The following BCKDHB variants were observed in gnomAD, a reference collection of about 807,000 sequenced individuals.
The protein encoded by BCKDHB is branched chain keto acid dehydrogenase E1 subunit beta.
BCKDHB carries 41 observed loss-of-function variants against 48.5 expected under a neutral mutation model. The observed-to-expected ratio is 0.85, with a 90% CI of 0.66 to 1.10. BCKDHB has a LOEUF of 1.10. BCKDHB is among the 50% of genes least tolerant of loss of function. The pLI is 0.00. For synonymous variants in BCKDHB, 201 were observed against 174.8 expected, an observed-to-expected ratio of 1.15 and a Z score of -1.18; for missense variants, 496 against 494.2, an observed-to-expected ratio of 1.00 and a Z score of -0.03.
chr6:80,127,733 A>G (rs1013550793), intron 2 of BCKDHB, 109 bp downstream of exon 2: 1 of 1,021,222 alleles, frequency 9.8e-7, no homozygotes, highest in Non-Finnish European at 1.6e-6. Flanking sequence ...TCTACCTGAC[A>G]TTTTCAAAGG....
chr6:80,254,278 A>G (rs998336701), intron 8 of BCKDHB, among the ~76,000 whole-genome samples: 1 of 151,596 alleles, frequency 6.6e-6, no homozygotes, highest in Non-Finnish European at 1.5e-5. Flanking sequence ...CTTTTTTCAC[A>G]TGTCATAGTT....
chr6:80,464,141 C>A, the BCKDHB span, among the ~76,000 whole-genome samples: 2 of 151,756 alleles, frequency 1.3e-5, no homozygotes, highest in African/African-American at 4.8e-5. Flanking sequence ...TATTATTATT[C>A]TTTTGAAGTG....
chr6:80,414,474 A>C, the BCKDHB span, among the ~76,000 whole-genome samples: 3 of 152,158 alleles, frequency 2.0e-5, no homozygotes, highest in East Asian at 5.8e-4. Context: ...ATGTGGTATA[A>C]GGAAGAGATC....
intron 3 of BCKDHB, among the ~76,000 whole-genome samples, chr6:80,146,193 C>T (rs1771479092): frequency 1.3e-5 from 2 of 152,064 alleles, no homozygotes. Flanking sequence ...AGTTTGAGAA[C>T]TACTGCTCTG....
the BCKDHB span, among the ~76,000 whole-genome samples, chr6:80,351,925 G>T: frequency 2.6e-5 from 4 of 151,218 alleles, no homozygotes; most frequent in African/African-American, 7.3e-5. Context: ...GGGTTCAAGC[G>T]ATTCTCCTGC....
the BCKDHB span, among the ~76,000 whole-genome samples, chr6:80,461,373 A>G: frequency 2.0e-5 from 3 of 152,040 alleles, no homozygotes; most frequent in South Asian, 4.2e-4. Flanking sequence ...TCTTATCCAT[A>G]TCTGGTCATA....
At chr6:80,389,606 G>A in the BCKDHB span, among the ~76,000 whole-genome samples, 1 of 152,178 alleles carries the variant, frequency 6.6e-6, no homozygotes, top group Non-Finnish European at 1.5e-5. Context: ...CTTTGACCAA[G>A]GCACTCACTT....
chr6:80,334,997 T>C (rs2128012544), intron 9 of BCKDHB, among the ~76,000 whole-genome samples: 1 of 151,984 alleles, frequency 6.6e-6, no homozygotes, highest in Non-Finnish European at 1.5e-5. Context: ...AATCACTCTA[T>C]TCTGGTAGTT....
intron 3 of BCKDHB, among the ~76,000 whole-genome samples, chr6:80,140,385 T>G (rs1046632437): frequency 1.3e-5 from 2 of 152,210 alleles, no homozygotes; most frequent in African/African-American, 4.8e-5. Flanking sequence ...TTGTGCCAGT[T>G]TTCAAAGGGA....
intron 8 of BCKDHB, among the ~76,000 whole-genome samples, chr6:80,267,878 G>T (rs1190125114): frequency 6.6e-6 from 1 of 151,908 alleles, no homozygotes; most frequent in South Asian, 2.1e-4. Flanking sequence ...TGCTCTGCTT[G>T]TTCCCTTTTG....
chr6:80,413,171 C>G, the BCKDHB span, among the ~76,000 whole-genome samples: 1 of 152,020 alleles, frequency 6.6e-6, no homozygotes, highest in Admixed American at 6.6e-5. Context: ...CTATAAATCC[C>G]GAGGGCTTTC....
At chr6:80,153,399 G>A (rs572423069) in intron 3 of BCKDHB, among the ~76,000 whole-genome samples, 8 of 152,248 alleles carry the variant, frequency 5.3e-5, no homozygotes, top group Non-Finnish European at 1.2e-4. Flanking sequence ...GTGATTCAAG[G>A]TACTGTAGAC....
the BCKDHB span, among the ~76,000 whole-genome samples, chr6:80,414,406 C>T: frequency 6.6e-6 from 1 of 152,006 alleles, no homozygotes; most frequent in Admixed American, 6.6e-5. Flanking sequence ...GGTTGCCTTC[C>T]AAGGTTTTCA....
At chr6:80,457,012 A>G in the BCKDHB span, among the ~76,000 whole-genome samples, 5 of 152,228 alleles carry the variant, frequency 3.3e-5, no homozygotes, top group Non-Finnish European at 7.3e-5. Flanking sequence ...TAAATCAATT[A>G]GACTTCTTCA....
chr6:80,354,938 A>G, the BCKDHB span, among the ~76,000 whole-genome samples: 1 of 152,168 alleles, frequency 6.6e-6, no homozygotes, highest in Non-Finnish European at 1.5e-5. Flanking sequence ...AAGCAATGTG[A>G]TGCCTCCAGC....
At chr6:80,195,118 T>C (rs557578965) in intron 6 of BCKDHB, among the ~76,000 whole-genome samples, 1 of 152,300 alleles carries the variant, frequency 6.6e-6, no homozygotes, top group East Asian at 1.9e-4. Context: ...TAATTTTATC[T>C]TCTAATTAGA....
the BCKDHB span, among the ~76,000 whole-genome samples, chr6:80,428,579 T>A: frequency 6.6e-6 from 1 of 152,210 alleles, no homozygotes; most frequent in Non-Finnish European, 1.5e-5. Context: ...TGGTGTGAAA[T>A]GGTATCTCAT....
At chr6:80,371,631 A>G in the BCKDHB span, among the ~76,000 whole-genome samples, 1 of 152,144 alleles carries the variant, frequency 6.6e-6, no homozygotes, top group Non-Finnish European at 1.5e-5. Flanking sequence ...AGATTTAAGT[A>G]TTTAATCCAT....
At chr6:80,341,044 C>T (rs1582595854) in intron 9 of BCKDHB, among the ~76,000 whole-genome samples, 1 of 152,098 alleles carries the variant, frequency 6.6e-6, no homozygotes, top group Non-Finnish European at 1.5e-5. Flanking sequence ...CTTTAATATA[C>T]TTTTGTTGGT....
Sources: allele counts gnomAD v4.1 joint callset (sites outside exome capture counted in the v4.1 genomes callset), GRCh38; gene constraint gnomAD v4.1.1; transcripts MANE v1.5; gene names NCBI Gene and HGNC (gene_info 2026-07-23, HGNC 2026-07-21).